The following OPTN variants were observed in gnomAD, a reference collection of about 807,000 sequenced individuals.
OPTN encodes E3-14.7K-interacting protein.
OPTN carries 54 observed loss-of-function variants against 70.4 expected under a neutral mutation model. That is an observed-to-expected ratio of 0.77 (90% CI 0.62 to 0.96). The LOEUF is 0.96. Among genes scored for constraint, OPTN ranks in the 40% least tolerant of loss-of-function variants. The pLI is 0.00. For missense variants in OPTN, 624 were observed against 673.2 expected, an observed-to-expected ratio of 0.93 and a Z score of 0.81; for synonymous variants, 256 against 248.5, an observed-to-expected ratio of 1.03 and a Z score of -0.28.
chr10:13,107,522 G>A (rs1832893045), intron 1 of OPTN, among the ~76,000 whole-genome samples: 1 of 150,388 alleles, frequency 6.6e-6, no homozygotes, highest in Non-Finnish European at 1.5e-5. Flanking sequence ...GGGACTACAG[G>A]CACCTGCCAC....
chr10:13,123,566 G>A (rs987412043), intron 8 of OPTN, among the ~76,000 whole-genome samples: 1 of 152,114 alleles, frequency 6.6e-6, no homozygotes, highest in Admixed American at 6.6e-5. Context: ...AAAAATTATA[G>A]AGCTGCCAGG....
intron 9 of OPTN, 117 bp from the exon 10 acceptor site, chr10:13,125,301 T>A (rs1344628941): frequency 2.7e-6 from 3 of 1,114,634 alleles, no homozygotes; most frequent in Middle Eastern, 3.0e-4. Context: ...TCATTTTGCA[T>A]TCATAAACCC....
At chr10:13,124,278 T>G (rs1326562970) in intron 9 of OPTN, among the ~76,000 whole-genome samples, 168 bp downstream of exon 9, 1 of 152,228 alleles carries the variant, frequency 6.6e-6, no homozygotes, top group Admixed American at 6.5e-5. Context: ...TGTGTGAGCA[T>G]GAAATACTTG....
chr10:13,107,754 G>T (rs1272500308), intron 1 of OPTN, among the ~76,000 whole-genome samples: 2 of 152,080 alleles, frequency 1.3e-5, no homozygotes, highest in Non-Finnish European at 2.9e-5. Context: ...CTGGACTTTG[G>T]CCATTCTTGA....
In OPTN at chr10:13,103,742, G is replaced by GCACACACA. The variant is rs771828062; in HGVS notation, c.-164+3459_-164+3466dup. Among the ~76,000 whole-genome samples the GCACACACA allele has an allele frequency of 5.3e-3, 342 of 64,846 alleles. 1 individual carries two copies. The highest frequency in any genetic ancestry group is 0.034 in the Middle Eastern group (4 of 116). The allele number at this position is 64,846 out of a possible 152,430, so 42.5% of individuals were successfully genotyped here. On this transcript the variant is annotated intron_variant, in intron 1 of 14. Transcript: ENST00000378747. ...AATTTAAATGTATATACACACACAT[G>GCACACACA]CACACACACACACACACACACACAC...
intron 4 of OPTN, among the ~76,000 whole-genome samples, chr10:13,111,881 TC>T (rs1833009988): frequency 7.6e-6 from 1 of 131,490 alleles, no homozygotes; most frequent in Non-Finnish European, 1.6e-5. Flanking sequence ...GGAGTCTTGC[TC>T]TGTTGCCCAG....
chr10:13,115,467 TAG>T (rs1564359855), intron 5 of OPTN, among the ~76,000 whole-genome samples: 3 of 102,696 alleles, frequency 2.9e-5, no homozygotes, highest in African/African-American at 1.4e-4. Flanking sequence ...TTATATAATA[TAG>T]AATATATATA....
rs182951187 is a variant in OPTN at position 13,114,923 on chromosome 10, A to G, written c.553-1344A>G. 6.1e-4 allele frequency among the ~76,000 whole-genome samples: 47 copies of G among 76,996 alleles called. 2 individuals are homozygous for G. Among genetic ancestry groups the G allele is most frequent in the African/African-American group, 2.8e-3 (44 of 15,706 alleles). The allele number at this position is 76,996 out of a possible 152,430, so 50.5% of individuals were successfully genotyped here. On this transcript the variant is annotated intron_variant, in intron 5 of 14. Coordinates refer to ENST00000378747, the MANE Select transcript of OPTN (RefSeq NM_001008212.2). ...TATCTGTATTTTTTATAATAGATAT[A>G]TCTATATTTATATATATTTATATAT...
intron 14 of OPTN, among the ~76,000 whole-genome samples, chr10:13,135,233 C>T (rs1441360613): frequency 1.3e-5 from 2 of 152,006 alleles, no homozygotes; most frequent in African/African-American, 2.4e-5. Flanking sequence ...GAGAGATGCC[C>T]GGGAGCCAGA....
At chr10:13,124,152 A>G (rs535837376) in intron 9 of OPTN, 42 bp downstream of exon 9, 2 of 1,172,610 alleles carry the variant, frequency 1.7e-6, no homozygotes, top group Non-Finnish European at 2.5e-6. Flanking sequence ...TGAAATATAC[A>G]TTTTTACAAA....
intron 6 of OPTN, among the ~76,000 whole-genome samples, chr10:13,118,485 G>A (rs1255234966): frequency 2.0e-5 from 3 of 152,222 alleles, no homozygotes; most frequent in Non-Finnish European, 2.9e-5. Flanking sequence ...AAAGGCCAGT[G>A]GTCTGTACAA....
intron 1 of OPTN, among the ~76,000 whole-genome samples, chr10:13,100,731 C>T (rs772205188): frequency 3.3e-5 from 5 of 152,160 alleles, no homozygotes; most frequent in Non-Finnish European, 7.4e-5. Context: ...TGCCCAGGGT[C>T]GGTGGGAATC....
At chr10:13,116,709 A>G (rs1013771171) in intron 6 of OPTN, among the ~76,000 whole-genome samples, 1 of 152,226 alleles carries the variant, frequency 6.6e-6, no homozygotes, top group Non-Finnish European at 1.5e-5. Flanking sequence ...CCCAGCTTCC[A>G]TAAGTGAAAT....
rs893179475 is a variant in OPTN, at chr10:13,137,411, T to G, written c.*545T>G. The G allele has an allele frequency of 1.2e-4, 27 of 232,216 alleles. No individual in the cohort carries two copies. The highest frequency in any genetic ancestry group is 5.8e-4 in the African/African-American group (26 of 44,988). The allele number at this position is 232,216 out of a possible 1,614,324, so 14.4% of individuals were successfully genotyped here. ...GAATCCTTACCTACTACTCTTCTGA[T>G]AATAATTTTAATATTTTTTATGTTT... On this transcript the variant is annotated 3_prime_UTR_variant, in exon 15 of 15. Coordinates refer to ENST00000378747, the MANE Select transcript of OPTN (RefSeq NM_001008212.2).
At chr10:13,113,895 A>T (rs1403233909) in intron 5 of OPTN, among the ~76,000 whole-genome samples, 9 of 151,382 alleles carry the variant, frequency 5.9e-5, no homozygotes, top group Admixed American at 5.9e-4. Context: ...CTGTGTGTAC[A>T]TAAAAAAAAA....
Position 13,137,654 on chromosome 10 carries a change from G to T in OPTN, c.*788G>T, listed in dbSNP as rs191802719. ...TTCATTTAAAATGGATCTGTTGGAG[G>T]TTATGTGTGTATGTTGTAGTTTTAT... On this transcript the variant is annotated 3_prime_UTR_variant, in exon 15 of 15. Transcript: ENST00000378747. 8.6e-6 allele frequency: 2 copies of T among 231,760 alleles called. No individual in the cohort carries two copies. The highest frequency in any genetic ancestry group is 1.1e-4 in the Admixed American group (2 of 17,734). 14.4% of individuals were successfully genotyped at this position (231,760 alleles called of 1,614,324 possible).
Position 13,137,179 on chromosome 10 carries a change from T to C in OPTN, c.*313T>C. 2.3e-6 allele frequency: 1 copy of C among 427,676 alleles called. No homozygotes were observed. The highest frequency in any genetic ancestry group is 4.4e-6 in the Non-Finnish European group (1 of 226,156). 26.5% of individuals were successfully genotyped at this position (427,676 alleles called of 1,614,324 possible). ...CTGTAGTCGCAGCTACTCGCGAGGT[T>C]GAGGCAGGAGAATTGCTTGAACCCA... On this transcript the variant is annotated 3_prime_UTR_variant, in exon 15 of 15. Coordinates refer to ENST00000378747, the MANE Select transcript of OPTN (RefSeq NM_001008212.2).
rs678089 is a variant in OPTN, at chr10:13,119,164, A to C, written c.779+124A>C. On this transcript the variant is annotated intron_variant, in intron 7 of 14. Coordinates refer to ENST00000378747, the MANE Select transcript of OPTN (RefSeq NM_001008212.2). ...TCAGTGTTTTTTAGAATATTCCAGGATTGTGCAACCACTGTTACTACAATA... is the reference window on the plus strand; with the variant it reads ...TCAGTGTTTTTTAGAATATTCCAGGCTTGTGCAACCACTGTTACTACAATA... 3,653 of 942,586 alleles carry C rather than the reference A, an allele frequency of 3.9e-3. 102 individuals are homozygous for C. The African/African-American group carries it at 0.053, about 14-fold the overall frequency. 58.4% of individuals were successfully genotyped at this position (942,586 alleles called of 1,614,324 possible). A position where few individuals can be genotyped will look rare whatever the true frequency, so the allele number is the denominator to read the frequency against.
chr10:13,118,211 G>GTT (rs1833261841), intron 6 of OPTN, among the ~76,000 whole-genome samples: 1 of 152,234 alleles, frequency 6.6e-6, no homozygotes, highest in African/African-American at 2.4e-5. Context: ...AATCCTGGCT[G>GTT]TTTATTAGCT....
Sources: allele counts gnomAD v4.1 joint callset (sites outside exome capture counted in the v4.1 genomes callset), GRCh38; gene constraint gnomAD v4.1.1; transcripts MANE v1.5; gene names NCBI Gene and HGNC (gene_info 2026-07-23, HGNC 2026-07-21).